Variants in DAP observed in about 807,000 individuals in gnomAD.
DAP encodes the protein death-associated protein 1.
A neutral mutation model predicts 13.8 loss-of-function variants in DAP; 8 were observed. That is an observed-to-expected ratio of 0.58 (90% CI 0.34 to 1.05). The LOEUF (loss-of-function observed/expected upper bound fraction) is 1.05, where lower values mean the gene tolerates loss of function less well. DAP is among the 50% of genes least tolerant of loss of function. The pLI is 0.03. For synonymous variants in DAP, 47 were observed against 47.5 expected, an observed-to-expected ratio of 0.99 and a Z score of 0.04; for missense variants, 106 against 133.2, an observed-to-expected ratio of 0.80 and a Z score of 1.01.
At chr5:10,751,287 A>G (rs766576607) in intron 1 of DAP, among the ~76,000 whole-genome samples, 3 of 152,214 alleles carry the variant, frequency 2.0e-5, no homozygotes, top group Non-Finnish European at 4.4e-5. Context: ...AACAGAAAAG[A>G]CCTACCATTT....
rs1738142369 is a variant in DAP, at chr5:10,685,835, G to A, written c.153-2264C>T. ...TAGTAAGAATACATGCATAATAAAG[G>A]GAATTAGCTTCCTCACCAAACTGAG... On this transcript the variant is annotated intron_variant, in intron 2 of 3. Transcript: ENST00000230895. 3.3e-5 allele frequency among the ~76,000 whole-genome samples: 5 copies of A among 152,226 alleles called. 1 individual carries two copies. In the South Asian group the frequency reaches 1.0e-3, roughly 32 times the overall value.
chr5:10,717,342 G>T (rs984824732), intron 2 of DAP, among the ~76,000 whole-genome samples: 7 of 152,172 alleles, frequency 4.6e-5, no homozygotes, highest in African/African-American at 1.7e-4. Flanking sequence ...CAAAAGGTTC[G>T]TGCACAGCCT....
intron 2 of DAP, among the ~76,000 whole-genome samples, chr5:10,716,591 A>G (rs56113509): frequency 0.092 from 14,061 of 152,124 alleles, 906 homozygotes; most frequent in African/African-American, 0.18. Flanking sequence ...GCAAGAGACT[A>G]GCCTAGCCTC....
intron 2 of DAP, among the ~76,000 whole-genome samples, chr5:10,712,324 CT>C (rs1398888298): frequency 2.0e-5 from 3 of 151,652 alleles, no homozygotes; most frequent in African/African-American, 7.3e-5. Context: ...TAAGGCAACC[CT>C]AGCAAACTAA....
chr5:10,681,021 G>A lies in DAP; in HGVS notation c.*35C>T. 1 of 1,564,232 alleles carries A rather than the reference G, an allele frequency of 6.4e-7. No homozygotes were observed. The highest frequency in any genetic ancestry group is 1.2e-5 in the South Asian group (1 of 85,264). On this transcript the variant is annotated 3_prime_UTR_variant, in exon 4 of 4. Transcript: ENST00000230895. ...TCAGGGAAATACCAAGTGCAGCAGA[G>A]CCGGGGCCATGGGGCAGGCTGGTGG...
intron 2 of DAP, among the ~76,000 whole-genome samples, chr5:10,685,563 GT>G (rs1232618681): frequency 2.0e-5 from 3 of 152,188 alleles, no homozygotes; most frequent in Non-Finnish European, 4.4e-5. Flanking sequence ...TCTTAACGTC[GT>G]TTGGAATGTT....
At chr5:10,691,748 T>A (rs953611693) in intron 2 of DAP, among the ~76,000 whole-genome samples, 3 of 152,212 alleles carry the variant, frequency 2.0e-5, no homozygotes, top group Middle Eastern at 3.2e-3. Context: ...TGAAAAGAAC[T>A]GCAAGCCAGG....
rs574065759 is a variant in DAP, at chr5:10,759,648, G to A, written c.55+1366C>T. ...CCACTGAAAAATATTGCCTACTCTG[G>A]ACTGCAACATATTTAAAGAACGGCT... On this transcript the variant is annotated intron_variant, in intron 1 of 3. Coordinates refer to ENST00000230895, the MANE Select transcript of DAP (RefSeq NM_004394.3). Among the ~76,000 whole-genome samples, 9 of 151,818 alleles carry A rather than the reference G, an allele frequency of 5.9e-5. No homozygotes were observed. The South Asian group carries it at 1.9e-3, about 32-fold the overall frequency.
intron 2 of DAP, among the ~76,000 whole-genome samples, chr5:10,726,280 T>C (rs1375276799): frequency 6.6e-6 from 1 of 152,262 alleles, no homozygotes; most frequent in Non-Finnish European, 1.5e-5. Flanking sequence ...AACCATTTTC[T>C]CCCTTTAACA....
chr5:10,688,673 A>G (rs1738217740), intron 2 of DAP, among the ~76,000 whole-genome samples: 1 of 151,748 alleles, frequency 6.6e-6, no homozygotes. Flanking sequence ...ACACACACAC[A>G]CAACTACTGT....
At chr5:10,697,320 T>C (rs1442386289) in intron 2 of DAP, among the ~76,000 whole-genome samples, 3 of 152,214 alleles carry the variant, frequency 2.0e-5, no homozygotes, top group Non-Finnish European at 2.9e-5. Flanking sequence ...CTGAGGACAA[T>C]TGGTATGATT....
intron 1 of DAP, among the ~76,000 whole-genome samples, chr5:10,748,700 A>C (rs1739973076): frequency 6.6e-6 from 1 of 152,250 alleles, no homozygotes; most frequent in Non-Finnish European, 1.5e-5. Flanking sequence ...GATGGGTGAC[A>C]TGGGACAGCT....
intron 1 of DAP, among the ~76,000 whole-genome samples, chr5:10,755,565 G>C (rs1375451993): frequency 6.6e-6 from 1 of 152,200 alleles, no homozygotes; most frequent in African/African-American, 2.4e-5. Flanking sequence ...ACAGCAAGGG[G>C]TGTCTGGGCC....
intron 1 of DAP, among the ~76,000 whole-genome samples, chr5:10,760,773 C>T (rs1272975873): frequency 6.6e-6 from 1 of 152,170 alleles, no homozygotes; most frequent in Non-Finnish European, 1.5e-5. Context: ...ACGCGGCCGC[C>T]CGCGGTCCTC....
At position 10,717,834 on chromosome 5, in the gene DAP, T is replaced by G. The variant is rs529747100; in HGVS notation, c.152+30341A>C. Among the ~76,000 whole-genome samples, 298 of 152,344 alleles carry G rather than the reference T, an allele frequency of 2.0e-3. 2 individuals carry two copies. The highest frequency in any genetic ancestry group is 0.017 in the Middle Eastern group (5 of 294). ...TGGCATTGGCTAATTAATCACAGTG[T>G]TCCTAGAAGTGAAATTGATAGGAAG... On this transcript the variant is annotated intron_variant, in intron 2 of 3. Coordinates refer to ENST00000230895, the MANE Select transcript of DAP (RefSeq NM_004394.3).
intron 2 of DAP, among the ~76,000 whole-genome samples, chr5:10,711,140 T>G (rs953882299): frequency 6.6e-6 from 1 of 152,166 alleles, no homozygotes; most frequent in African/African-American, 2.4e-5. Flanking sequence ...CACACTCCCA[T>G]GTTTTGAAAT....
At position 10,680,791 on chromosome 5, in the gene DAP, C is replaced by G. The variant is rs557175231; in HGVS notation, c.*265G>C. ...ATAGAACTAAAGCTAAAATTTTTCT[C>G]GGATCTTGGCAAATTCTGCTAATGG... is the stretch of plus-strand genomic sequence containing the variant. On this transcript the variant is annotated 3_prime_UTR_variant, in exon 4 of 4. Transcript: ENST00000230895. The G allele has an allele frequency of 1.3e-6, 2 of 1,536,698 alleles. No individual in the cohort carries two copies. The highest frequency in any genetic ancestry group is 3.9e-5 in the Admixed American group (2 of 51,004).
chr5:10,724,558 C>T (rs1739236239), intron 2 of DAP, among the ~76,000 whole-genome samples: 1 of 152,098 alleles, frequency 6.6e-6, no homozygotes, highest in Non-Finnish European at 1.5e-5. Context: ...TTAGGGCTTT[C>T]CTAGATTAAA....
intron 2 of DAP, among the ~76,000 whole-genome samples, chr5:10,723,296 T>C (rs1453584457): frequency 6.6e-6 from 1 of 152,248 alleles, no homozygotes; most frequent in Non-Finnish European, 1.5e-5. Context: ...ACCATGGCAA[T>C]TAATTCAACG....
Sources: allele counts gnomAD v4.1 joint callset (sites outside exome capture counted in the v4.1 genomes callset), GRCh38; gene constraint gnomAD v4.1.1; transcripts MANE v1.5; gene names NCBI Gene and HGNC (gene_info 2026-07-23, HGNC 2026-07-21).